SCAI: variants seen among roughly 807,000 people sequenced by gnomAD.
SCAI encodes suppressor of cancer cell invasion, also known as protein SCAI.
In SCAI, 24 loss-of-function variants were observed where a neutral mutation model predicts 92.2. That is an observed-to-expected ratio of 0.26 (90% CI 0.19 to 0.37). SCAI has a LOEUF of 0.37. SCAI is among the 10% of genes least tolerant of loss of function. The pLI, the probability that SCAI is intolerant of heterozygous loss-of-function variation, is 1.00. For synonymous variants in SCAI, 261 were observed against 258.6 expected, an observed-to-expected ratio of 1.01 and a Z score of -0.09; for missense variants, 450 against 736.2, an observed-to-expected ratio of 0.61 and a Z score of 4.50.
chr9:125,096,152 G>A (rs1834547571), intron 2 of SCAI, among the ~76,000 whole-genome samples: 1 of 152,152 alleles, frequency 6.6e-6, no homozygotes, highest in Non-Finnish European at 1.5e-5. Flanking sequence ...CAGGAAAAAG[G>A]GTTTAATGGG....
chr9:125,058,471 TGCCACTGTAC>T lies in SCAI; in HGVS notation c.99-2474_99-2465del, dbSNP rs146527434. On this transcript the variant is annotated intron_variant, in intron 2 of 17. Coordinates refer to ENST00000336505, the MANE Select transcript of SCAI (RefSeq NM_001144877.3). The stretch of plus-strand genomic sequence containing the variant: ...CGGAGGTTGAGGTGAGCTGAGATCA[TGCCACTGTAC>T]TTCAGCCTGGGCGACAGAACGAGAC... Among the ~76,000 whole-genome samples, 185 of 152,230 alleles carry T rather than the reference TGCCACTGTAC, an allele frequency of 1.2e-3. 1 individual carries two copies. Among genetic ancestry groups the T allele is most frequent in the African/African-American group, 4.3e-3 (177 of 41,532 alleles).
chr9:124,960,973 C>T (rs1246485850), intron 17 of SCAI, among the ~76,000 whole-genome samples: 1 of 151,848 alleles, frequency 6.6e-6, no homozygotes, highest in African/African-American at 2.4e-5. Context: ...TAAAAATTAG[C>T]TGGGCATGTT....
intron 2 of SCAI, among the ~76,000 whole-genome samples, chr9:125,125,754 C>G (rs1452548613): frequency 1.3e-5 from 2 of 150,724 alleles, no homozygotes; most frequent in Non-Finnish European, 2.9e-5. Flanking sequence ...TCACTTGAAC[C>G]TGGGAGGCGG....
intron 17 of SCAI, among the ~76,000 whole-genome samples, chr9:124,963,032 C>T (rs1167540193): frequency 1.3e-5 from 2 of 151,608 alleles, no homozygotes; most frequent in Non-Finnish European, 2.9e-5. Flanking sequence ...CTCCTGACCT[C>T]AGGTGATGTA....
chr9:124,969,484 A>C (rs961867093), intron 17 of SCAI, among the ~76,000 whole-genome samples: 6 of 152,234 alleles, frequency 3.9e-5, no homozygotes, highest in African/African-American at 1.4e-4. Context: ...AGTCAAGCAA[A>C]AGACTTGAAC....
At chr9:125,000,082 T>C (rs1832325112) in intron 12 of SCAI, 92 bp from the exon 13 acceptor site, 1 of 565,324 alleles carries the variant, frequency 1.8e-6, no homozygotes, top group Non-Finnish European at 3.1e-6. Context: ...AATCTCTCAT[T>C]GATTCAAGCG....
At chr9:125,035,930 G>A (rs574494746) in intron 3 of SCAI, among the ~76,000 whole-genome samples, 5 of 152,214 alleles carry the variant, frequency 3.3e-5, no homozygotes, top group African/African-American at 1.2e-4. Flanking sequence ...AGCAGCCCTC[G>A]GGGCTGCTCT....
At chr9:125,036,320 A>G (rs1833195909) in intron 3 of SCAI, among the ~76,000 whole-genome samples, 1 of 152,202 alleles carries the variant, frequency 6.6e-6, no homozygotes, top group Non-Finnish European at 1.5e-5. Context: ...TATTCCTGCT[A>G]CTATTTCTAT....
chr9:124,950,610 G>T lies in SCAI; in HGVS notation c.*2197C>A, dbSNP rs1284502994. The T allele has an allele frequency of 6.6e-6, 1 of 151,920 alleles. No individual in the cohort carries two copies. The highest frequency in any genetic ancestry group is 1.5e-5 in the Non-Finnish European group (1 of 68,020). 9.4% of individuals were successfully genotyped at this position (151,920 alleles called of 1,614,324 possible). A position where few individuals can be genotyped will look rare whatever the true frequency, so the allele number is the denominator to read the frequency against. ...CAATGAACACTGTTACTAAAGGAAA[G>T]CTATGAAGTTTATTAAGATACTGAA... On this transcript the variant is annotated 3_prime_UTR_variant, in exon 18 of 18. Coordinates refer to ENST00000336505, the MANE Select transcript of SCAI (RefSeq NM_001144877.3).
At chr9:124,967,208 AT>A (rs1831559190) in intron 17 of SCAI, among the ~76,000 whole-genome samples, 1 of 152,200 alleles carries the variant, frequency 6.6e-6, no homozygotes, top group Admixed American at 6.5e-5. Context: ...TGAAATCCTG[AT>A]AGGGCAACAC....
chr9:125,026,143 G>T (rs1367972271), intron 6 of SCAI, among the ~76,000 whole-genome samples: 1 of 152,188 alleles, frequency 6.6e-6, no homozygotes, highest in Admixed American at 6.5e-5. Flanking sequence ...GGCCAAGGCG[G>T]GTGGATCACT....
intron 9 of SCAI, 73 bp from the exon 10 acceptor site, chr9:125,003,643 T>C: frequency 1.1e-6 from 1 of 915,686 alleles, no homozygotes; most frequent in Non-Finnish European, 1.7e-6. Flanking sequence ...TTTATCACGT[T>C]ACTAGTTGTG....
At chr9:125,079,247 C>T (rs1834157031) in intron 2 of SCAI, among the ~76,000 whole-genome samples, 1 of 152,110 alleles carries the variant, frequency 6.6e-6, no homozygotes, top group Non-Finnish European at 1.5e-5. Context: ...TCCCAGAGTG[C>T]CTCCCCCCAT....
At chr9:125,027,084 AAAT>A (rs1832978755) in intron 5 of SCAI, among the ~76,000 whole-genome samples, 174 bp from the exon 6 acceptor site, 1 of 152,158 alleles carries the variant, frequency 6.6e-6, no homozygotes, top group Non-Finnish European at 1.5e-5. Flanking sequence ...AATGTATAAA[AAAT>A]AATAATGAAA....
At chr9:124,969,850 GTA>G (rs1831618031) in intron 17 of SCAI, among the ~76,000 whole-genome samples, 1 of 152,042 alleles carries the variant, frequency 6.6e-6, no homozygotes, top group Admixed American at 6.6e-5. Flanking sequence ...GAATTTCACA[GTA>G]ACATCATTTT....
rs78100470 is a variant in SCAI, at chr9:125,091,430, C to T, written c.99-35423G>A. On this transcript the variant is annotated intron_variant, in intron 2 of 17. Coordinates refer to ENST00000336505, the MANE Select transcript of SCAI (RefSeq NM_001144877.3). This position sits in a 1 kb window ranked among gnomAD's most constrained non-coding sequence, Gnocchi z 4.3. Reference sequence around the variant, plus strand: ...CGTTTCTTTTTTGCTTTTTTAATGACCTGTCATTCACTAAGTTTAGCCTTC... The same window carrying T: ...CGTTTCTTTTTTGCTTTTTTAATGATCTGTCATTCACTAAGTTTAGCCTTC... Among the ~76,000 whole-genome samples the T allele has an allele frequency of 0.018, 2,676 of 152,104 alleles. 70 individuals carry two copies. The highest frequency in any genetic ancestry group is 0.06 in the African/African-American group (2,472 of 41,460).
intron 2 of SCAI, among the ~76,000 whole-genome samples, chr9:125,119,438 TA>T (rs966937722): frequency 1.3e-4 from 19 of 151,970 alleles, no homozygotes; most frequent in Admixed American, 4.6e-4. Flanking sequence ...GCTCTTTAGT[TA>T]AAAAAAATAA....
intron 2 of SCAI, among the ~76,000 whole-genome samples, chr9:125,106,928 T>C (rs1834814557): frequency 6.7e-6 from 1 of 150,162 alleles, no homozygotes. Flanking sequence ...TTGCCCACGC[T>C]GGTCTTGAAC....
chr9:125,107,402 T>C (rs1834823144), intron 2 of SCAI, among the ~76,000 whole-genome samples: 1 of 142,290 alleles, frequency 7.0e-6, no homozygotes, highest in Admixed American at 7.1e-5. Context: ...AGGGAGACAC[T>C]GTCTCAAAAA....
Sources: gnomAD v4.1 joint callset for allele counts (sites outside exome capture counted in the v4.1 genomes callset) on GRCh38, gnomAD v4.1.1 for gene constraint, Gnocchi (gnomAD v3.1) non-coding constraint, MANE v1.5 for transcripts, NCBI Gene and HGNC (gene_info 2026-07-23, HGNC 2026-07-21) for gene names.